The following IQSEC1 variants were observed in gnomAD, a reference collection of about 807,000 sequenced individuals.
IQSEC1 encodes IQ motif and SEC7 domain-containing protein 1.
Under a neutral mutation model 91.0 loss-of-function variants are expected in IQSEC1, and 31 were observed. The ratio of observed to expected loss-of-function variants is 0.34; its 90% CI spans 0.26 to 0.46. The LOEUF is 0.46. Among genes scored for constraint, IQSEC1 ranks in the 20% least tolerant of loss-of-function variants. The pLI, the probability that IQSEC1 is intolerant of heterozygous loss-of-function variation, is 1.00. For synonymous variants in IQSEC1, 699 were observed against 662.6 expected (o/e 1.05, Z -0.84); for missense variants, 1,388 against 1,575.6 (o/e 0.88, Z 2.02).
intron 13 of IQSEC1, among the ~76,000 whole-genome samples, 163 bp from the exon 14 acceptor site, chr3:12,901,685 C>T (rs182170496): frequency 7.2e-5 from 11 of 152,078 alleles, no homozygotes; most frequent in Middle Eastern, 3.4e-3. Context: ...TGGGCCCCGC[C>T]TCCTCTCACT....
chr3:12,911,107 G>A (rs1223646267), intron 10 of IQSEC1, among the ~76,000 whole-genome samples: 4 of 152,186 alleles, frequency 2.6e-5, no homozygotes, highest in Non-Finnish European at 4.4e-5. Flanking sequence ...ACTGTGTTCC[G>A]GCAGCTATGA....
chr3:13,252,158 T>G (rs1695205542), intron 1 of IQSEC1, among the ~76,000 whole-genome samples: 1 of 152,168 alleles, frequency 6.6e-6, no homozygotes. Flanking sequence ...TTTTTCATCC[T>G]CCCAAATTGA....
chr3:13,226,268 A>C (rs1382912141), intron 1 of IQSEC1, among the ~76,000 whole-genome samples: 8 of 152,186 alleles, frequency 5.3e-5, no homozygotes, highest in Admixed American at 5.2e-4. Context: ...TTTGAATCCC[A>C]AGTTTGCCAT....
intron 1 of IQSEC1, among the ~76,000 whole-genome samples, chr3:13,037,533 A>C (rs990586175): frequency 2.6e-5 from 4 of 152,356 alleles, no homozygotes; most frequent in African/African-American, 7.2e-5. Context: ...TGAAAAAACA[A>C]GGTGCACCTT....
chr3:13,172,773 G>T (rs1693642774), intron 1 of IQSEC1, among the ~76,000 whole-genome samples: 1 of 152,198 alleles, frequency 6.6e-6, no homozygotes. Flanking sequence ...ACACCCGGGG[G>T]TCTACCCAGG....
chr3:12,926,647 C>T (rs1395095795), intron 3 of IQSEC1, among the ~76,000 whole-genome samples: 3 of 152,230 alleles, frequency 2.0e-5, no homozygotes, highest in South Asian at 2.1e-4. Context: ...GGGGCCGGGC[C>T]TGACCCCTTG....
At position 12,963,522 on chromosome 3, in the gene IQSEC1, A is replaced by G. The variant is rs78016561; in HGVS notation, c.24-21657T>C. Among the ~76,000 whole-genome samples, 113 of 152,376 alleles carry G rather than the reference A, an allele frequency of 7.4e-4. 1 individual carries two copies. The East Asian group carries it at 0.017, about 23-fold the overall frequency. Reference sequence around the variant, plus strand: ...AAAGGTGGTAATAATGATGATGGTGATAACAGCTACCATTTGTTGGGGATC... The same window carrying G: ...AAAGGTGGTAATAATGATGATGGTGGTAACAGCTACCATTTGTTGGGGATC... On this transcript the variant is annotated intron_variant, in intron 1 of 13. Transcript: ENST00000613206.
intron 1 of IQSEC1, among the ~76,000 whole-genome samples, chr3:13,069,969 C>T (rs1193831756): frequency 6.6e-6 from 1 of 152,186 alleles, no homozygotes. Flanking sequence ...ATCCAGTGTG[C>T]CACCTTCACG....
At chr3:13,152,732 G>A (rs1368665612) in intron 2 of IQSEC1, among the ~76,000 whole-genome samples, 4 of 152,158 alleles carry the variant, frequency 2.6e-5, no homozygotes, top group Admixed American at 6.5e-5. Flanking sequence ...TTAGCCGGGT[G>A]CGGTGGCTGG....
chr3:13,122,490 G>C (rs939753932), intron 2 of IQSEC1, among the ~76,000 whole-genome samples: 1 of 152,066 alleles, frequency 6.6e-6, no homozygotes, highest in Non-Finnish European at 1.5e-5. Flanking sequence ...GGAAGTGAGG[G>C]GTATGGGATG....
At chr3:13,230,392 G>A (rs565634977) in intron 1 of IQSEC1, among the ~76,000 whole-genome samples, 1 of 152,174 alleles carries the variant, frequency 6.6e-6, no homozygotes, top group African/African-American at 2.4e-5. Context: ...AGCTTCCCCA[G>A]GTGTTTTTCT....
chr3:13,105,913 A>G (rs983052561), intron 2 of IQSEC1, among the ~76,000 whole-genome samples: 1 of 152,224 alleles, frequency 6.6e-6, no homozygotes, highest in Admixed American at 6.5e-5. Context: ...TGATCATGTT[A>G]TCACCTACTA....
At chr3:13,024,182 G>A (rs893249189) in intron 1 of IQSEC1, among the ~76,000 whole-genome samples, 3 of 152,114 alleles carry the variant, frequency 2.0e-5, no homozygotes, top group Non-Finnish European at 4.4e-5. Flanking sequence ...CTGCTTACCC[G>A]CTTTATCTCT....
chr3:12,901,639 T>C, intron 13 of IQSEC1, 117 bp from the exon 14 acceptor site: 1 of 869,508 alleles, frequency 1.2e-6, no homozygotes, highest in Non-Finnish European at 1.8e-6. Context: ...TTAGTTCAAC[T>C]CACTGGCCAG....
intron 1 of IQSEC1, among the ~76,000 whole-genome samples, chr3:13,043,535 G>A (rs1416131114): frequency 2.6e-5 from 4 of 152,138 alleles, no homozygotes; most frequent in Admixed American, 1.3e-4. Flanking sequence ...AGCACCCCTC[G>A]TGTCTAAGCT....
intron 1 of IQSEC1, among the ~76,000 whole-genome samples, chr3:13,198,170 G>A (rs1188887518): frequency 2.0e-5 from 3 of 152,162 alleles, no homozygotes; most frequent in Non-Finnish European, 4.4e-5. Flanking sequence ...ATGCCCCACA[G>A]AGGACCCCTA....
At chr3:13,024,530 T>A (rs558965977) in intron 1 of IQSEC1, among the ~76,000 whole-genome samples, 1 of 149,976 alleles carries the variant, frequency 6.7e-6, no homozygotes, top group African/African-American at 2.5e-5. Flanking sequence ...TGTCTGCATA[T>A]CATTGTAAAT....
At chr3:13,274,161 C>A (rs1695635567) in intron 1 of IQSEC1, among the ~76,000 whole-genome samples, 1 of 152,238 alleles carries the variant, frequency 6.6e-6, no homozygotes, top group Admixed American at 6.5e-5. Flanking sequence ...ATGGGCCCTG[C>A]AGCCCATCCG....
At chr3:12,925,756 C>T (rs779269911) in intron 3 of IQSEC1, among the ~76,000 whole-genome samples, 2 of 152,216 alleles carry the variant, frequency 1.3e-5, no homozygotes, top group East Asian at 1.9e-4. Flanking sequence ...GCATGTGTGT[C>T]GTGGGCTGAT....
Sources: allele counts gnomAD v4.1 joint callset (sites outside exome capture counted in the v4.1 genomes callset), GRCh38; gene constraint gnomAD v4.1.1; transcripts MANE v1.5; gene names NCBI Gene and HGNC (gene_info 2026-07-23, HGNC 2026-07-21).